Variants in MCTP2 observed in about 807,000 individuals in gnomAD.
MCTP2 encodes the protein multiple C2 and transmembrane domain-containing protein 2.
In MCTP2, 132 loss-of-function variants were observed where a neutral mutation model predicts 111.6. That is an observed-to-expected ratio of 1.18 (90% CI 1.03 to 1.37). MCTP2 has a LOEUF of 1.37. MCTP2 is among the 40% of genes most tolerant of loss of function. MCTP2 has a pLI of 0.00. For missense variants in MCTP2, 1,183 were observed against 1,067.9 expected, an observed-to-expected ratio of 1.11 and a Z score of -1.50; for synonymous variants, 395 against 387.7, an observed-to-expected ratio of 1.02 and a Z score of -0.22.
At chr15:94,464,265 ATATAT>A (rs199654403) in intron 20 of MCTP2, among the ~76,000 whole-genome samples, 5,355 of 84,816 alleles carry the variant, frequency 0.063, 433 homozygotes, top group Middle Eastern at 0.1. Flanking sequence ...TATTATATAT[ATATAT>A]ATATATATAA....
chr15:94,248,262 C>T (rs2072159017), intron 1 of MCTP2, among the ~76,000 whole-genome samples: 1 of 152,094 alleles, frequency 6.6e-6, no homozygotes, highest in African/African-American at 2.4e-5. Context: ...ACACTTGCAC[C>T]CCAAGTGTTT....
chr15:94,369,442 A>G (rs569392557), intron 11 of MCTP2, among the ~76,000 whole-genome samples: 133 of 152,190 alleles, frequency 8.7e-4, no homozygotes, highest in Non-Finnish European at 1.7e-3. Flanking sequence ...GATGCCATGT[A>G]TATAAACACC....
At chr15:94,399,451 G>A (rs2081446359) in intron 15 of MCTP2, 1 of 175,324 alleles carries the variant, frequency 5.7e-6, no homozygotes. Context: ...TTTATTCCCT[G>A]TAAAATGGGG....
intron 3 of MCTP2, among the ~76,000 whole-genome samples, chr15:94,315,293 T>C (rs2152364421): frequency 6.6e-6 from 1 of 152,306 alleles, no homozygotes; most frequent in Non-Finnish European, 1.5e-5. Context: ...AGGCTAACCT[T>C]GCAAAGATGT....
At chr15:94,304,587 G>C (rs2075795446) in intron 2 of MCTP2, among the ~76,000 whole-genome samples, 1 of 152,208 alleles carries the variant, frequency 6.6e-6, no homozygotes, top group Non-Finnish European at 1.5e-5. Flanking sequence ...CTCAGGGCCT[G>C]GAAACACTTG....
At chr15:94,465,923 T>C (rs2073241011) in intron 20 of MCTP2, among the ~76,000 whole-genome samples, 1 of 152,096 alleles carries the variant, frequency 6.6e-6, no homozygotes, top group Non-Finnish European at 1.5e-5. Context: ...ACCTTCTTAA[T>C]CTATGTTCCA....
chr15:94,236,531 C>T (rs2070581769), intron 1 of MCTP2, among the ~76,000 whole-genome samples: 1 of 151,734 alleles, frequency 6.6e-6, no homozygotes, highest in Non-Finnish European at 1.5e-5. Context: ...TGTGCCTTTA[C>T]TTCCCCTCTA....
intron 6 of MCTP2, among the ~76,000 whole-genome samples, chr15:94,340,560 A>G (rs1246150778): frequency 6.6e-6 from 1 of 152,224 alleles, no homozygotes; most frequent in African/African-American, 2.4e-5. Flanking sequence ...ACTTAAAATT[A>G]AAACAAGTGT....
chr15:94,374,077 T>G (rs1432021547), intron 12 of MCTP2, among the ~76,000 whole-genome samples: 2 of 152,192 alleles, frequency 1.3e-5, no homozygotes, highest in Admixed American at 1.3e-4. Context: ...TGGACAATGC[T>G]GAGAAATGGA....
chr15:94,335,555 C>T (rs1300300876), intron 4 of MCTP2, among the ~76,000 whole-genome samples: 2 of 152,102 alleles, frequency 1.3e-5, no homozygotes, highest in South Asian at 2.1e-4. Flanking sequence ...ACCATGGGCC[C>T]TTCATATTCA....
chr15:94,323,868 T>A (rs1314048240), intron 4 of MCTP2, among the ~76,000 whole-genome samples: 2 of 152,214 alleles, frequency 1.3e-5, no homozygotes, highest in Non-Finnish European at 2.9e-5. Context: ...TCTTTGCTCT[T>A]TCTACTCTCC....
At chr15:94,240,596 G>A (rs757165010) in intron 1 of MCTP2, among the ~76,000 whole-genome samples, 4 of 152,134 alleles carry the variant, frequency 2.6e-5, no homozygotes, top group Non-Finnish European at 5.9e-5. Flanking sequence ...CCACATCCAT[G>A]TAGACCTGGA....
intron 2 of MCTP2, among the ~76,000 whole-genome samples, chr15:94,312,673 C>T (rs531849402): frequency 6.6e-6 from 1 of 152,326 alleles, no homozygotes; most frequent in Admixed American, 6.5e-5. Context: ...AGGGTAAGAA[C>T]CGCAGATTAC....
chr15:94,393,908 G>A (rs537873233), intron 14 of MCTP2, among the ~76,000 whole-genome samples: 16 of 151,742 alleles, frequency 1.1e-4, no homozygotes, highest in Non-Finnish European at 1.6e-4. Context: ...AAATTAGCTG[G>A]GCGTGGTGGC....
intron 1 of MCTP2, among the ~76,000 whole-genome samples, chr15:94,246,467 AGCT>A (rs1455151302): frequency 6.6e-6 from 1 of 152,214 alleles, no homozygotes; most frequent in Non-Finnish European, 1.5e-5. Context: ...CTTAAGGAGT[AGCT>A]GCAGTGGCTG....
rs114426625 is a variant in MCTP2, at chr15:94,329,291, A to T, written c.638-9999A>T. ...TAACTTTCCTCATCCTTTAAAAAAA[A>T]TTTTTTATTACATGTATTTAAGGCA... On this transcript the variant is annotated intron_variant, in intron 4 of 22. Transcript: ENST00000357742. Among the ~76,000 whole-genome samples, 769 of 152,180 alleles carry T rather than the reference A, an allele frequency of 5.1e-3. 4 individuals carry two copies. Among genetic ancestry groups the T allele is most frequent in the Middle Eastern group, 0.014 (4 of 294 alleles).
At chr15:94,464,257 T>TATATTATATATATATATATATATTATA (rs4001978) in intron 20 of MCTP2, among the ~76,000 whole-genome samples, 5 of 44,964 alleles carry the variant, frequency 1.1e-4, no homozygotes, top group African/African-American at 1.8e-4. Flanking sequence ...TATATATATA[T>TATATTATATATATATATATATATTATA]TATATATATA....
At chr15:94,371,905 A>G (rs2079510082) in intron 12 of MCTP2, among the ~76,000 whole-genome samples, 1 of 152,080 alleles carries the variant, frequency 6.6e-6, no homozygotes, top group African/African-American at 2.4e-5. Flanking sequence ...CTATCAAGTA[A>G]CCTCCATAAA....
chr15:94,442,562 A>G (rs988360809), intron 18 of MCTP2, among the ~76,000 whole-genome samples: 11 of 152,246 alleles, frequency 7.2e-5, no homozygotes, highest in Admixed American at 5.2e-4. Context: ...GCCCAGCACT[A>G]GTGGAGTATG....
Sources: gnomAD v4.1 joint callset for allele counts (sites outside exome capture counted in the v4.1 genomes callset) on GRCh38, gnomAD v4.1.1 for gene constraint, MANE v1.5 for transcripts, NCBI Gene and HGNC (gene_info 2026-07-23, HGNC 2026-07-21) for gene names.